ARMC1: variants seen among roughly 807,000 people sequenced by gnomAD.
The protein encoded by ARMC1 is armadillo repeat-containing protein 1.
A neutral mutation model predicts 31.4 loss-of-function variants in ARMC1; 16 were observed. The observed-to-expected ratio is 0.51, with a 90% CI of 0.34 to 0.77. ARMC1 has a LOEUF of 0.77. Among genes scored for constraint, ARMC1 ranks in the 30% least tolerant of loss-of-function variants. The pLI, the probability that ARMC1 is intolerant of heterozygous loss-of-function variation, is 0.01. For synonymous variants in ARMC1, 114 were observed against 118.9 expected, an observed-to-expected ratio of 0.96 and a Z score of 0.27; for missense variants, 259 against 347.5, an observed-to-expected ratio of 0.75 and a Z score of 2.02.
chr8:65,620,227 A>C (rs138207252), intron 3 of ARMC1, among the ~76,000 whole-genome samples: 3 of 150,778 alleles, frequency 2.0e-5, no homozygotes, highest in Non-Finnish European at 4.4e-5. Flanking sequence ...ATGACTAAAC[A>C]CTTGGAATAT....
rs1190514713 is a variant in ARMC1 at position 65,627,451 on chromosome 8, A to G, written c.-35-18T>C. 2.1e-5 allele frequency: 31 copies of G among 1,449,850 alleles called. No individual in the cohort carries two copies. The highest frequency in any genetic ancestry group is 2.9e-5 in the Non-Finnish European group (31 of 1,083,826). The allele number at this position is 1,449,850 out of a possible 1,614,324, so 89.8% of individuals were successfully genotyped here. ...CTTAAATTCTGTAGAAAAGGTTTGC[A>G]GAATTAGTTCTAGGCTGCTGAGGTA... On this transcript the variant is annotated intron_variant, in intron 1 of 6. Transcript: ENST00000276569.
At chr8:65,627,642 C>T (rs532547606) in intron 1 of ARMC1, among the ~76,000 whole-genome samples, 56 of 152,290 alleles carry the variant, frequency 3.7e-4, no homozygotes, top group African/African-American at 1.3e-3. Flanking sequence ...GTTTAAAGAA[C>T]ATATGTTGTC....
intron 3 of ARMC1, among the ~76,000 whole-genome samples, chr8:65,619,683 C>T (rs1307438532): frequency 6.6e-6 from 1 of 151,610 alleles, no homozygotes; most frequent in Non-Finnish European, 1.5e-5. Flanking sequence ...CCCATCTCTA[C>T]AAAAAAATAC....
intron 1 of ARMC1, among the ~76,000 whole-genome samples, chr8:65,628,865 G>A (rs555242255): frequency 1.7e-3 from 253 of 149,012 alleles, no homozygotes; most frequent in African/African-American, 6.2e-3. Context: ...AAAAAAATCA[G>A]CATATCGGCC....
rs199552111 is a variant in ARMC1 at position 65,604,426 on chromosome 8, C to T, written c.817G>A (p.Ala273Thr). Residue 273 changes from alanine to threonine, a missense_variant, in exon 7 of 7, where the codon GCA becomes ACA. By Grantham distance (58) the Ala-to-Thr change is moderately conservative. Coordinates refer to ENST00000276569, the MANE Select transcript of ARMC1 (RefSeq NM_018120.6). ...EGGASWLSTA[A>T]NFLSRSFYW ...TAAAATGATCTGGATAAAAAGTTTG[C>T]AGCTGTGCTAAGCCAGCTAGCTCCA... 6.7e-4 allele frequency: 1,075 copies of T among 1,614,018 alleles called. No individual in the cohort carries two copies. The highest frequency in any genetic ancestry group is 8.4e-4 in the Non-Finnish European group (990 of 1,180,022).
intron 1 of ARMC1, among the ~76,000 whole-genome samples, chr8:65,630,005 C>T (rs755724931): frequency 6.0e-5 from 9 of 151,230 alleles, no homozygotes; most frequent in Non-Finnish European, 1.3e-4. Flanking sequence ...ATTAGCCGGG[C>T]ATGGTGGCGC....
At chr8:65,617,136 T>C (rs1448918125) in intron 3 of ARMC1, among the ~76,000 whole-genome samples, 2 of 152,334 alleles carry the variant, frequency 1.3e-5, no homozygotes, top group African/African-American at 2.4e-5. Context: ...CAACAGCTCA[T>C]TGAGAACGGG....
intron 4 of ARMC1, among the ~76,000 whole-genome samples, chr8:65,609,806 C>T (rs1174087103): frequency 7.0e-6 from 1 of 142,844 alleles, no homozygotes. Flanking sequence ...TGCAGTAAGC[C>T]GAGATCACGA....
chr8:65,607,402 G>A (rs778759061), intron 4 of ARMC1, among the ~76,000 whole-genome samples: 8 of 152,208 alleles, frequency 5.3e-5, no homozygotes, highest in Non-Finnish European at 1.0e-4. Flanking sequence ...AAAGTGAAAA[G>A]TTGAAAAACA....
Position 65,605,425 on chromosome 8 carries a change from A to AAG in ARMC1, c.578_579insCT (p.Glu194LeufsTer8). The AAG allele has an allele frequency of 1.9e-6, 3 of 1,614,006 alleles. No individual in the cohort carries two copies. The highest frequency in any genetic ancestry group is 2.5e-6 in the Non-Finnish European group (3 of 1,179,860). On this transcript the variant is annotated frameshift_variant, in exon 5 of 7. Transcript: ENST00000276569. LOFTEE classifies it high-confidence loss of function. ...TTCAGTCTTTTAAAATACTTACCTC[A>AAG]GCTTTCAAATCTGAACGGATTCGCA...
At chr8:65,630,089 G>C (rs1212295097) in intron 1 of ARMC1, among the ~76,000 whole-genome samples, 1 of 152,086 alleles carries the variant, frequency 6.6e-6, no homozygotes, top group African/African-American at 2.4e-5. Context: ...AGGTTGCAGT[G>C]AGCCGAGATT....
intron 3 of ARMC1, 103 bp downstream of exon 3, chr8:65,622,160 T>C (rs1808406855): frequency 1.2e-6 from 1 of 839,750 alleles, no homozygotes; most frequent in Non-Finnish European, 1.9e-6. Context: ...AAAGCCAAGG[T>C]GGAAGGATCG....
At chr8:65,610,254 C>T (rs534944360) in intron 4 of ARMC1, among the ~76,000 whole-genome samples, 1 of 152,078 alleles carries the variant, frequency 6.6e-6, no homozygotes, top group Non-Finnish European at 1.5e-5. Flanking sequence ...TGCACCACCA[C>T]ACCCTGCTTA....
rs1358003978 is a variant in ARMC1 at position 65,605,297 on chromosome 8, G to A, written c.623C>T (p.Ala208Val). 6.2e-7 allele frequency: 1 copy of A among 1,613,744 alleles called. No individual in the cohort carries two copies. Among genetic ancestry groups the A allele is most frequent in the South Asian group, 1.1e-5 (1 of 90,924 alleles). ...ACTTTCACTTTTCACAACTTGCTGA[G>A]CTTTCATAACCTTGGTTGATGCTAT... ...SAIASTKVMK[A>V]QQVVKSESGE... Residue 208 changes from alanine to valine, a missense_variant, in exon 6 of 7, where the codon GCT becomes GTT. By Grantham distance (64) the Ala-to-Val change is moderately conservative. This residue lies in a region of ARMC1 where 73 missense variants were observed against 100.0 expected (regional missense o/e 0.73). Transcript: ENST00000276569.
intron 3 of ARMC1, among the ~76,000 whole-genome samples, chr8:65,615,362 T>C (rs188674880): frequency 1.4e-5 from 2 of 143,950 alleles, no homozygotes; most frequent in Admixed American, 7.1e-5. Context: ...ATAAAGAGCA[T>C]GAAGAGACAA....
At chr8:65,612,010 T>C (rs1367787205) in intron 4 of ARMC1, among the ~76,000 whole-genome samples, 1 of 152,128 alleles carries the variant, frequency 6.6e-6, no homozygotes, top group Non-Finnish European at 1.5e-5. Context: ...GACCTCATGA[T>C]CCATCCGCCT....
intron 6 of ARMC1, among the ~76,000 whole-genome samples, chr8:65,604,829 C>G (rs1162591118): frequency 6.6e-6 from 1 of 152,160 alleles, no homozygotes; most frequent in Non-Finnish European, 1.5e-5. Flanking sequence ...TGTCTAGCCA[C>G]TGCAGCCACT....
At chr8:65,626,182 C>G (rs554363446) in intron 2 of ARMC1, among the ~76,000 whole-genome samples, 1 of 152,024 alleles carries the variant, frequency 6.6e-6, no homozygotes, top group Non-Finnish European at 1.5e-5. Flanking sequence ...TGAGCCACCA[C>G]GTCTGGCCCT....
At chr8:65,627,606 C>T (rs376582687) in intron 1 of ARMC1, among the ~76,000 whole-genome samples, 173 bp from the exon 2 acceptor site, 86 of 152,210 alleles carry the variant, frequency 5.7e-4, no homozygotes, top group African/African-American at 2.0e-3. Context: ...GAACGTAAGA[C>T]GACTGAAAAA....
Sources: gnomAD v4.1 joint callset for allele counts (sites outside exome capture counted in the v4.1 genomes callset) on GRCh38, gnomAD v4.1.1 for gene constraint, gnomAD v4.1.1 regional missense constraint, MANE v1.5 for transcripts, NCBI Gene and HGNC (gene_info 2026-07-23, HGNC 2026-07-21) for gene names.